Variants in PAMR1 observed in about 807,000 individuals in gnomAD.
PAMR1 encodes peptidase domain containing associated with muscle regeneration 1.
A neutral mutation model predicts 81.8 loss-of-function variants in PAMR1; 88 were observed. The observed-to-expected ratio is 1.08, with a 90% CI of 0.91 to 1.28. The LOEUF (loss-of-function observed/expected upper bound fraction) is 1.28, where lower values mean the gene tolerates loss of function less well. PAMR1 is among the 50% of genes most tolerant of loss of function. PAMR1 has a pLI of 0.00. For synonymous variants in PAMR1, 336 were observed against 345.3 expected (o/e 0.97, Z 0.30); for missense variants, 935 against 919.7 (o/e 1.02, Z -0.21).
intron 1 of PAMR1, among the ~76,000 whole-genome samples, chr11:35,506,208 A>G (rs529628564): frequency 1.3e-5 from 2 of 151,268 alleles, no homozygotes; most frequent in African/African-American, 4.8e-5. Context: ...TGTTGTCTCA[A>G]TTTACATATT....
intron 3 of PAMR1, among the ~76,000 whole-genome samples, chr11:35,487,281 A>G (rs889497418): frequency 1.3e-5 from 2 of 151,066 alleles, no homozygotes; most frequent in African/African-American, 4.9e-5. Context: ...TAGAAACTCT[A>G]CTCTCTGACC....
At chr11:35,501,657 C>T (rs1590381815) in intron 1 of PAMR1, among the ~76,000 whole-genome samples, 1 of 152,064 alleles carries the variant, frequency 6.6e-6, no homozygotes, top group Non-Finnish European at 1.5e-5. Flanking sequence ...AGGATCACTG[C>T]TCCCACATAT....
At position 35,452,779 on chromosome 11, in the gene PAMR1, C is replaced by A. The variant is rs1856445562; in HGVS notation, c.821-11086G>T. On this transcript the variant is annotated intron_variant, in intron 6 of 10. Transcript: ENST00000619888. ...ATCTAGCATTATTCAGTCTTTCATGCCTATTTTTATGTGTTCCCATAGTCT... is the reference window on the plus strand; with the variant it reads ...ATCTAGCATTATTCAGTCTTTCATGACTATTTTTATGTGTTCCCATAGTCT... Among the ~76,000 whole-genome samples, 4 of 152,236 alleles carry A rather than the reference C, an allele frequency of 2.6e-5. No individual in the cohort carries two copies. The Middle Eastern group carries it at 0.01, about 388-fold the overall frequency.
intron 1 of PAMR1, among the ~76,000 whole-genome samples, chr11:35,501,846 T>C (rs1344279129): frequency 1.3e-5 from 2 of 152,222 alleles, no homozygotes; most frequent in African/African-American, 2.4e-5. Flanking sequence ...GATGGGTACT[T>C]AGGTTGATTC....
At position 35,434,921 on chromosome 11, in the gene PAMR1, C is replaced by A. The variant is rs983899231; in HGVS notation, c.1334-117G>T. On this transcript the variant is annotated intron_variant, in intron 9 of 10. Coordinates refer to ENST00000619888, the MANE Select transcript of PAMR1 (RefSeq NM_001001991.3). ...AGGTGAACTGTATGGGCATGATGAC[C>A]ACTAAGATAAGTAACCCAGTTTTCT... 6.5e-6 allele frequency: 6 copies of A among 921,866 alleles called. No individual in the cohort carries two copies. In the East Asian group the frequency reaches 1.5e-4, roughly 23 times the overall value. The allele number at this position is 921,866 out of a possible 1,614,324, so 57.1% of individuals were successfully genotyped here.
intron 6 of PAMR1, among the ~76,000 whole-genome samples, chr11:35,462,154 A>G (rs1856669428): frequency 6.6e-6 from 1 of 152,178 alleles, no homozygotes; most frequent in African/African-American, 2.4e-5. Flanking sequence ...ATAAGTGACC[A>G]ATAAAACCCC....
intron 6 of PAMR1, among the ~76,000 whole-genome samples, chr11:35,447,818 G>C (rs1047685654): frequency 1.3e-5 from 2 of 152,338 alleles, no homozygotes; most frequent in African/African-American, 4.8e-5. Context: ...TCCTTCAGGA[G>C]CTCTTGCAAG....
At chr11:35,509,797 C>G (rs1296192631) in intron 1 of PAMR1, among the ~76,000 whole-genome samples, 1 of 152,110 alleles carries the variant, frequency 6.6e-6, no homozygotes, top group Non-Finnish European at 1.5e-5. Context: ...AGTGAACAAG[C>G]CTCCTACTTA....
chr11:35,482,977 T>C (rs1850427931), intron 3 of PAMR1, among the ~76,000 whole-genome samples: 1 of 152,256 alleles, frequency 6.6e-6, no homozygotes, highest in Non-Finnish European at 1.5e-5. Context: ...GTTTCTTGTT[T>C]GAAAATTTCC....
At chr11:35,445,636 A>T (rs1856274938) in intron 6 of PAMR1, among the ~76,000 whole-genome samples, 1 of 152,144 alleles carries the variant, frequency 6.6e-6, no homozygotes, top group Non-Finnish European at 1.5e-5. Context: ...AATTATGTTT[A>T]TTGATTTGCA....
intron 4 of PAMR1, 125 bp from the exon 5 acceptor site, chr11:35,470,943 A>G: frequency 1.5e-6 from 1 of 681,634 alleles, no homozygotes; most frequent in Middle Eastern, 4.0e-4. Context: ...GCCTGATCGG[A>G]TAGGAAAATG....
At chr11:35,499,439 TAACTC>T (rs1850789887) in intron 1 of PAMR1, among the ~76,000 whole-genome samples, 1 of 152,200 alleles carries the variant, frequency 6.6e-6, no homozygotes, top group South Asian at 2.1e-4. Flanking sequence ...TAAATACTAA[TAACTC>T]AAGGGAGGAC....
At chr11:35,529,177 T>C (rs1271266925), upstream of PAMR1, among the ~76,000 whole-genome samples, 4 of 152,106 alleles carry the variant, frequency 2.6e-5, no homozygotes, top group African/African-American at 9.7e-5. Context: ...AAGCTCCTGG[T>C]TGAGATGGGG....
At chr11:35,442,054 GTGT>G (rs1856182568) in intron 6 of PAMR1, among the ~76,000 whole-genome samples, 1 of 152,134 alleles carries the variant, frequency 6.6e-6, no homozygotes, top group Non-Finnish European at 1.5e-5. Context: ...TTGTTTTTCA[GTGT>G]TGTTGTATTA....
intron 1 of PAMR1, among the ~76,000 whole-genome samples, chr11:35,522,136 A>G (rs1227031232): frequency 6.6e-6 from 1 of 152,068 alleles, no homozygotes; most frequent in African/African-American, 2.4e-5. Context: ...GTTAGCCAGG[A>G]TGGCCTCGAT....
intron 1 of PAMR1, among the ~76,000 whole-genome samples, chr11:35,525,012 A>C (rs1006307591): frequency 1.3e-5 from 2 of 152,124 alleles, no homozygotes; most frequent in African/African-American, 4.8e-5. Context: ...TCTACTCCGA[A>C]GGGGTATGGC....
At chr11:35,460,808 A>G (rs1031712767) in intron 6 of PAMR1, among the ~76,000 whole-genome samples, 2 of 152,196 alleles carry the variant, frequency 1.3e-5, no homozygotes, top group African/African-American at 2.4e-5. Context: ...TCTTTATAGC[A>G]GCATGTTTTG....
At chr11:35,479,158 G>C (rs1850336635) in intron 3 of PAMR1, among the ~76,000 whole-genome samples, 1 of 152,162 alleles carries the variant, frequency 6.6e-6, no homozygotes, top group Admixed American at 6.5e-5. Flanking sequence ...AGAAGTGGTT[G>C]GGTTTTGTTT....
At position 35,492,075 on chromosome 11, in the gene PAMR1, G is replaced by A. The variant is rs142326895; in HGVS notation, c.349C>T (p.Arg117Ter). 180 of 1,613,722 alleles carry A rather than the reference G, an allele frequency of 1.1e-4. No homozygotes were observed. The highest frequency in any genetic ancestry group is 2.4e-4 in the African/African-American group (18 of 74,874). Residue 117 changes from arginine to a stop codon, truncating the protein, a stop_gained, in exon 3 of 11, where the codon CGA becomes TGA. Coordinates refer to ENST00000619888, the MANE Select transcript of PAMR1 (RefSeq NM_001001991.3). LOFTEE classifies it high-confidence loss of function. ...CAGTCTCCTCCGTACCAGCCTGCTC[G>A]GCACTCTGCACAGTAGAACCCCTTC... ...YVKGFYCAEC[R>*]AGWYGGDCMR... is the part of the protein sequence containing the mutation.
Sources: allele counts gnomAD v4.1 joint callset (sites outside exome capture counted in the v4.1 genomes callset), GRCh38; gene constraint gnomAD v4.1.1; transcripts MANE v1.5; gene names NCBI Gene and HGNC (gene_info 2026-07-23, HGNC 2026-07-21).